ANKDD1A: variants seen among roughly 807,000 people sequenced by gnomAD.
ANKDD1A encodes the protein ankyrin repeat and death domain-containing protein 1A.
ANKDD1A carries 59 observed loss-of-function variants against 63.5 expected under a neutral mutation model. The ratio of observed to expected loss-of-function variants is 0.93; its 90% CI spans 0.75 to 1.15. The LOEUF (loss-of-function observed/expected upper bound fraction) is 1.15, where lower values mean the gene tolerates loss of function less well. Among genes scored for constraint, ANKDD1A ranks in the 50% most tolerant of loss-of-function variants. The pLI, the probability that ANKDD1A is intolerant of heterozygous loss-of-function variation, is 0.00. For synonymous variants in ANKDD1A, 266 were observed against 263.9 expected (o/e 1.01, Z -0.08); for missense variants, 632 against 656.4 (o/e 0.96, Z 0.41).
At chr15:64,912,039 G>A in intron 1 of ANKDD1A, 75 bp downstream of exon 1, 3 of 1,224,180 alleles carry the variant, frequency 2.5e-6, no homozygotes, top group East Asian at 3.2e-5. Flanking sequence ...GGAGTGCCAG[G>A]GGTGAGGTTG....
At chr15:64,950,443 T>C (rs1427807009) in intron 14 of ANKDD1A, 1 of 985,310 alleles carries the variant, frequency 1.0e-6, no homozygotes, top group Non-Finnish European at 1.2e-6. Context: ...AAGCCTGATA[T>C]GGGATTCAGT....
At chr15:64,941,599 G>A (rs80047527) in intron 9 of ANKDD1A, among the ~76,000 whole-genome samples, 4,642 of 152,172 alleles carry the variant, frequency 0.031, 229 homozygotes, top group South Asian at 0.12. Flanking sequence ...TCAATAATGG[G>A]CATTTTTGTT....
At chr15:64,953,154 T>TTCTTTCC in intron 14 of ANKDD1A, among the ~76,000 whole-genome samples, 1 of 4,984 alleles carries the variant, frequency 2.0e-4, no homozygotes, top group Non-Finnish European at 1.0e-3. Flanking sequence ...CTTTTTCTCC[T>TTCTTTCC]TTCTTCTTTC....
intron 6 of ANKDD1A, among the ~76,000 whole-genome samples, chr15:64,930,098 G>C (rs962847916): frequency 6.6e-6 from 1 of 152,088 alleles, no homozygotes; most frequent in Non-Finnish European, 1.5e-5. Flanking sequence ...CCTGTTGAAG[G>C]GGGGCAAAGT....
At chr15:64,936,424 GT>G (rs1490885091) in intron 9 of ANKDD1A, among the ~76,000 whole-genome samples, 2 of 152,090 alleles carry the variant, frequency 1.3e-5, no homozygotes, top group African/African-American at 4.8e-5. Flanking sequence ...CATTTTAGCT[GT>G]TTTTGCTGCC....
At position 64,951,797 on chromosome 15, in the gene ANKDD1A, TTTCC is replaced by T. The variant is rs1208207336; in HGVS notation, c.1483+1827_1483+1830del. ...TCTTTCCTTTCTTCTTCCTTCTTTC[TTTCC>T]TCTTTTCTTCTTTCTTCCTCTTCTT... On this transcript the variant is annotated intron_variant, in intron 14 of 14. Coordinates refer to ENST00000319580, the MANE Select transcript of ANKDD1A (RefSeq NM_182703.6). Among the ~76,000 whole-genome samples, 4 of 148,654 alleles carry T rather than the reference TTTCC, an allele frequency of 2.7e-5. No individual in the cohort carries two copies. The East Asian group carries it at 5.8e-4, about 22-fold the overall frequency.
chr15:64,940,541 T>G (rs1299948775), intron 9 of ANKDD1A, among the ~76,000 whole-genome samples: 1 of 152,040 alleles, frequency 6.6e-6, no homozygotes, highest in Non-Finnish European at 1.5e-5. Flanking sequence ...CACGCCATTC[T>G]CCTGCCTCAG....
rs2085211178 is a variant in ANKDD1A, at chr15:64,944,847, C to T, written c.1161+100C>T. On this transcript the variant is annotated intron_variant, in intron 12 of 14. Transcript: ENST00000319580. ...ACCCTAGGCCTGACCAATTCTGGGT[C>T]CCTCAGTCTCCAAGCAGGTGATAAT... 3.6e-6 allele frequency: 4 copies of T among 1,124,028 alleles called. No homozygotes were observed. The East Asian group carries it at 1.0e-4, about 28-fold the overall frequency. The allele number at this position is 1,124,028 out of a possible 1,614,324, so 69.6% of individuals were successfully genotyped here.
intron 9 of ANKDD1A, among the ~76,000 whole-genome samples, chr15:64,937,490 A>G (rs534117684): frequency 6.6e-6 from 1 of 152,280 alleles, no homozygotes; most frequent in Non-Finnish European, 1.5e-5. Flanking sequence ...GCACTTTGGG[A>G]GGCTGAGGCA....
At chr15:64,918,706 C>A (rs2084987864) in intron 3 of ANKDD1A, among the ~76,000 whole-genome samples, 1 of 152,188 alleles carries the variant, frequency 6.6e-6, no homozygotes, top group Admixed American at 6.5e-5. Flanking sequence ...GTAATCCCAG[C>A]ACTTTGGGAG....
chr15:64,927,276 C>T lies in ANKDD1A; in HGVS notation c.570+277C>T, dbSNP rs570082550. Among the ~76,000 whole-genome samples the T allele has an allele frequency of 2.1e-4, 32 of 152,302 alleles. No homozygotes were observed. In the South Asian group the frequency reaches 3.5e-3, roughly 17 times the overall value. On this transcript the variant is annotated intron_variant, in intron 6 of 14. Transcript: ENST00000319580. ...ACAGGCATAGTAAGGATTTCTGATCCGACGTGGCTGGCCAGGGTGGCAGAT... is the reference window on the plus strand; with the variant it reads ...ACAGGCATAGTAAGGATTTCTGATCTGACGTGGCTGGCCAGGGTGGCAGAT...
intron 4 of ANKDD1A, 97 bp downstream of exon 4, chr15:64,922,116 C>T (rs2085012284): frequency 2.7e-6 from 3 of 1,091,404 alleles, no homozygotes; most frequent in Non-Finnish European, 4.0e-6. Context: ...GCTTGCCCCT[C>T]CAGCCCCCAA....
At chr15:64,945,087 G>A (rs193038875) in intron 12 of ANKDD1A, among the ~76,000 whole-genome samples, 1 of 152,324 alleles carries the variant, frequency 6.6e-6, no homozygotes, top group East Asian at 1.9e-4. Flanking sequence ...ATCTCCAGGT[G>A]ATTGAACTGC....
At chr15:64,952,170 TTTC>T (rs780752301) in intron 14 of ANKDD1A, among the ~76,000 whole-genome samples, 8 of 150,944 alleles carry the variant, frequency 5.3e-5, no homozygotes, top group African/African-American at 9.7e-5. Context: ...CATCTTTTTC[TTTC>T]TTCTTTCCTT....
intron 1 of ANKDD1A, among the ~76,000 whole-genome samples, chr15:64,913,657 G>A (rs2084948531): frequency 1.3e-5 from 2 of 152,154 alleles, no homozygotes; most frequent in Non-Finnish European, 2.9e-5. Context: ...GAAAGCTCAA[G>A]ATCCTCTTTC....
At chr15:64,933,512 G>T (rs761563950) in intron 8 of ANKDD1A, among the ~76,000 whole-genome samples, 1 of 152,194 alleles carries the variant, frequency 6.6e-6, no homozygotes, top group Non-Finnish European at 1.5e-5. Context: ...GGTGGAGTTT[G>T]CTCTGTATTG....
At chr15:64,947,308 AGAG>A (rs1273759684) in intron 12 of ANKDD1A, 93 bp from the exon 13 acceptor site, 3 of 1,289,990 alleles carry the variant, frequency 2.3e-6, no homozygotes, top group Non-Finnish European at 3.2e-6. Context: ...GCACCCCAGC[AGAG>A]GTGGTAGGAG....
intron 14 of ANKDD1A, among the ~76,000 whole-genome samples, chr15:64,952,663 C>CTCCTCCTCCTTCTT (rs2085316379): frequency 4.8e-5 from 1 of 20,630 alleles, no homozygotes; most frequent in African/African-American, 1.0e-4. Context: ...TTCTTCTTCC[C>CTCCTCCTCCTTCTT]CTTCTTCCTT....
chr15:64,929,995 C>T (rs2085076226), intron 6 of ANKDD1A, among the ~76,000 whole-genome samples: 1 of 152,104 alleles, frequency 6.6e-6, no homozygotes, highest in Non-Finnish European at 1.5e-5. Flanking sequence ...AACACAGGAA[C>T]AGAAAACCAA....
Sources: allele counts gnomAD v4.1 joint callset (sites outside exome capture counted in the v4.1 genomes callset), GRCh38; gene constraint gnomAD v4.1.1; transcripts MANE v1.5; gene names NCBI Gene and HGNC (gene_info 2026-07-23, HGNC 2026-07-21).